Variants in SH3TC1 observed in about 807,000 individuals in gnomAD.
SH3TC1 encodes SH3 domain and tetratricopeptide repeats 1.
Under a neutral mutation model 117.3 loss-of-function variants are expected in SH3TC1, and 135 were observed. The ratio of observed to expected loss-of-function variants is 1.15; its 90% CI spans 1.00 to 1.33. The LOEUF is 1.33. Ranked by LOEUF, SH3TC1 falls within the 40% of genes most tolerant of loss-of-function variation. The probability of loss-of-function intolerance (pLI) is 0.00; values close to 1 mark genes in which losing one functional copy is unlikely to be tolerated. For missense variants in SH3TC1, 2,092 were observed against 1,794.3 expected, an observed-to-expected ratio of 1.17 and a Z score of -3.00; for synonymous variants, 898 against 816.9, an observed-to-expected ratio of 1.10 and a Z score of -1.69.
At chr4:8,233,158 C>T (rs986537220) in intron 13 of SH3TC1, 6 of 1,388,646 alleles carry the variant, frequency 4.3e-6, no homozygotes, top group Admixed American at 3.3e-5. Flanking sequence ...TGCCCAGTTC[C>T]CTCAGAAGGA....
In SH3TC1 at chr4:8,208,943, C is replaced by T. The variant is rs143436235; in HGVS notation, c.173-805C>T. ...AGTTGCAGGTTTTCCTAATCAGATC[C>T]CCCTGGATCCTGAGGCCTGGATAGA... On this transcript the variant is annotated intron_variant, in intron 2 of 17. Coordinates refer to ENST00000245105, the MANE Select transcript of SH3TC1 (RefSeq NM_018986.5). Among the ~76,000 whole-genome samples the T allele has an allele frequency of 6.6e-5, 10 of 152,338 alleles. No homozygotes were observed. The East Asian group carries it at 1.5e-3, about 24-fold the overall frequency.
intron 9 of SH3TC1, among the ~76,000 whole-genome samples, chr4:8,222,097 C>T (rs1719971670): frequency 6.6e-6 from 1 of 152,054 alleles, no homozygotes; most frequent in Non-Finnish European, 1.5e-5. Flanking sequence ...ATGAGAGTGC[C>T]CTGAGTGTAT....
chr4:8,220,281 C>T (rs1234091204), intron 9 of SH3TC1, among the ~76,000 whole-genome samples: 2 of 152,188 alleles, frequency 1.3e-5, no homozygotes, highest in African/African-American at 4.8e-5. Context: ...TACCTTGTGC[C>T]TTCCAAAACT....
At chr4:8,216,424 C>T (rs1719281090) in intron 6 of SH3TC1, among the ~76,000 whole-genome samples, 167 bp downstream of exon 6, 1 of 152,188 alleles carries the variant, frequency 6.6e-6, no homozygotes, top group South Asian at 2.1e-4. Context: ...TGGTGTGGCA[C>T]TGTCACTTAG....
chr4:8,227,692 G>A lies in SH3TC1; in HGVS notation c.1998G>A (p.Arg666=). 6.4e-7 allele frequency: 1 copy of A among 1,557,818 alleles called. No individual in the cohort carries two copies. Among genetic ancestry groups the A allele is most frequent in the East Asian group, 2.3e-5 (1 of 44,286 alleles). ...VGGQSLQAEA[R]ACFLLARHHV... is the part of the protein sequence containing the mutation. ...GCCAGAGCCTGCAGGCCGAGGCCCG[G>A]GCCTGCTTCCTGCTGGCCAGGCACC... The change falls in exon 12 of 18, where the codon CGG becomes CGA. Residue 666 remains arginine (R), a synonymous_variant. Coordinates refer to ENST00000245105, the MANE Select transcript of SH3TC1 (RefSeq NM_018986.5).
chr4:8,185,967 G>T (rs1381960228), intron 1 of SH3TC1, among the ~76,000 whole-genome samples: 2 of 152,206 alleles, frequency 1.3e-5, no homozygotes, highest in East Asian at 3.9e-4. Context: ...CACTCCAGGA[G>T]GTGCCACAGG....
In SH3TC1 at chr4:8,226,960, G is replaced by T; in HGVS notation, c.1286-20G>T. On this transcript the variant is annotated intron_variant, in intron 11 of 17. Coordinates refer to ENST00000245105, the MANE Select transcript of SH3TC1 (RefSeq NM_018986.5). ...TCACTGCTGGACTCTAATCTGTCTA[G>T]GTGTTTTTGTGACTTGCAGAAATAC... 1 of 1,518,440 alleles carries T rather than the reference G, an allele frequency of 6.6e-7. No homozygotes were observed. Among genetic ancestry groups the T allele is most frequent in the Non-Finnish European group, 8.8e-7 (1 of 1,130,246 alleles). The allele number at this position is 1,518,440 out of a possible 1,614,324, so 94.1% of individuals were successfully genotyped here.
At chr4:8,233,217 C>T in intron 13 of SH3TC1, 146 bp from the exon 14 acceptor site, 1 of 1,417,096 alleles carries the variant, frequency 7.1e-7, no homozygotes, top group Non-Finnish European at 9.2e-7. Flanking sequence ...ACCCTCTCAG[C>T]AGCCCGGGAA....
Position 8,205,152 on chromosome 4 carries a change from C to T in SH3TC1, c.-28-15C>T, listed in dbSNP as rs1718093502. The T allele has an allele frequency of 6.8e-7, 1 of 1,460,186 alleles. No individual in the cohort carries two copies. The highest frequency in any genetic ancestry group is 9.0e-7 in the Non-Finnish European group (1 of 1,105,132). 90.5% of individuals were successfully genotyped at this position (1,460,186 alleles called of 1,614,324 possible). A position where few individuals can be genotyped will look rare whatever the true frequency, so the allele number is the denominator to read the frequency against. On this transcript the variant is annotated splice_polypyrimidine_tract_variant and intron_variant, in intron 1 of 17. Transcript: ENST00000245105. The surrounding 1 kb of genome is among the most constrained non-coding windows in gnomAD (Gnocchi z 5.4). ...GAGGGGCCACCTCTCCTGACCACACCCCCTCTGTCCACAGGGCCAGGCATG... is the reference window on the plus strand; with the variant it reads ...GAGGGGCCACCTCTCCTGACCACACTCCCTCTGTCCACAGGGCCAGGCATG...
rs1028168606 is a variant in SH3TC1 at position 8,183,489 on chromosome 4, C to T, written c.-57+1279C>T. Reference sequence around the variant, plus strand: ...CTGAGGCCCATGGCAAGCAGCCCCACCCAAGCAGGCGGCTCCAGGCTTGGC... The same window carrying T: ...CTGAGGCCCATGGCAAGCAGCCCCATCCAAGCAGGCGGCTCCAGGCTTGGC... On this transcript the variant is annotated intron_variant, in intron 1 of 16. Transcript: ENST00000508641. This position sits in a 1 kb window ranked among gnomAD's most constrained non-coding sequence, Gnocchi z 5.4. Among the ~76,000 whole-genome samples the T allele has an allele frequency of 1.3e-5, 2 of 152,240 alleles. No homozygotes were observed. Among genetic ancestry groups the T allele is most frequent in the African/African-American group, 2.4e-5 (1 of 41,462 alleles).
intron 7 of SH3TC1, among the ~76,000 whole-genome samples, chr4:8,218,034 C>T (rs60720994): frequency 6.6e-6 from 1 of 152,124 alleles, no homozygotes; most frequent in Non-Finnish European, 1.5e-5. Context: ...TTCCAGGACA[C>T]GGGCCCTAGG....
intron 6 of SH3TC1, 48 bp downstream of exon 6, chr4:8,216,305 TC>T: frequency 6.3e-7 from 1 of 1,587,100 alleles, no homozygotes; most frequent in East Asian, 2.2e-5. Context: ...TGCGGGGCAC[TC>T]CCGGGCCATG....
intron 15 of SH3TC1, 105 bp downstream of exon 15, chr4:8,235,660 GC>G: frequency 7.2e-7 from 1 of 1,394,978 alleles, no homozygotes. Context: ...AGGCAGGGCC[GC>G]CCATGCACAT....
chr4:8,240,612 A>G, intron 17 of SH3TC1, 86 bp from the exon 18 acceptor site: 7 of 1,572,980 alleles, frequency 4.5e-6, no homozygotes, highest in Non-Finnish European at 6.0e-6. Flanking sequence ...TTGGCCGGAC[A>G]TGTGGAATGA....
At chr4:8,214,771 C>G (rs1719082097) in intron 5 of SH3TC1, among the ~76,000 whole-genome samples, 191 bp downstream of exon 5, 1 of 152,208 alleles carries the variant, frequency 6.6e-6, no homozygotes, top group Non-Finnish European at 1.5e-5. Context: ...GCAACCCCTG[C>G]TCCCCGGGTT....
intron 12 of SH3TC1, among the ~76,000 whole-genome samples, chr4:8,230,897 G>A (rs559731541): frequency 4.6e-5 from 7 of 150,766 alleles, no homozygotes; most frequent in East Asian, 2.0e-4. Context: ...CTCCTGCCTC[G>A]GCCTCCTGAG....
chr4:8,228,139 C>G lies in SH3TC1; in HGVS notation c.2445C>G (p.Ala815=), dbSNP rs763950708. Residue 815 remains alanine (A), a synonymous_variant, in exon 12 of 18, where the codon GCC becomes GCG. Coordinates refer to ENST00000245105, the MANE Select transcript of SH3TC1 (RefSeq NM_018986.5). The part of the protein sequence containing the change: ...AITFMTQAVE[A]SAIAGVRAIV... ...CCTTCATGACGCAGGCAGTGGAAGC[C>G]AGTGCTATTGCCGGAGTCCGTGCCA... 1 of 1,612,380 alleles carries G rather than the reference C, an allele frequency of 6.2e-7. No individual in the cohort carries two copies. Among genetic ancestry groups the G allele is most frequent in the South Asian group, 1.1e-5 (1 of 90,992 alleles).
chr4:8,191,961 T>A (rs894860846), intron 1 of SH3TC1, among the ~76,000 whole-genome samples: 4 of 1,536 alleles, frequency 2.6e-3, no homozygotes, highest in Non-Finnish European at 0.056. Flanking sequence ...TGAGTTACAT[T>A]TATTTATTTA....
chr4:8,194,549 T>C (rs1471176435), upstream of SH3TC1, among the ~76,000 whole-genome samples: 1 of 152,124 alleles, frequency 6.6e-6, no homozygotes, highest in Non-Finnish European at 1.5e-5. Context: ...TCTCTCTAAC[T>C]CTAACATACC....
Sources: gnomAD v4.1 joint callset for allele counts (sites outside exome capture counted in the v4.1 genomes callset) on GRCh38, gnomAD v4.1.1 for gene constraint, Gnocchi (gnomAD v3.1) non-coding constraint, MANE v1.5 for transcripts, NCBI Gene and HGNC (gene_info 2026-07-23, HGNC 2026-07-21) for gene names.